Variants in OR7G3 observed in about 807,000 individuals in gnomAD.
OR7G3 encodes olfactory receptor 7G3.
For synonymous variants in OR7G3, 143 were observed against 157.6 expected (o/e 0.91, Z 0.69); for missense variants, 352 against 372.1 (o/e 0.95, Z 0.44).
rs768259399 is a variant in OR7G3 at position 9,126,907 on chromosome 19, A to G, written c.44T>C (p.Leu15Ser). Residue 15 changes from leucine to serine, a missense_variant, in exon 1 of 1, where the codon TTG becomes TCG. Physicochemically the swap from Leu to Ser is moderately radical, Grantham distance 145. Transcript: ENST00000305444. ...CAGCTCCGGATCCCCTGACAATCCC[A>G]AGAGAAAGAATTCTGGAGTGTCTGA... is the stretch of plus-strand genomic sequence containing the variant. Reference protein sequence around the residue: ...NFSDTPEFFLLGLSGDPELQP... With the variant: ...NFSDTPEFFLSGLSGDPELQP... The G allele has an allele frequency of 4.4e-6, 7 of 1,606,020 alleles. No homozygotes were observed. The highest frequency in any genetic ancestry group is 6.0e-6 in the Non-Finnish European group (7 of 1,175,878).
At position 9,126,947 on chromosome 19, in the gene OR7G3, T is replaced by C. The variant is rs1276399614; in HGVS notation, c.4A>G (p.Lys2Glu). Residue 2 changes from lysine (K) to glutamate (E), a missense_variant, in exon 1 of 1, where the codon AAA becomes GAA. Lys to Glu is a moderately conservative substitution (Grantham distance 56). Coordinates refer to ENST00000305444, the MANE Select transcript of OR7G3 (RefSeq NM_001001958.1). ...GGAGTGTCTGAGAAGTTTCCTGCTT[T>C]CATGTTGTTGATGAGTCTTGATCTT... M[K>E]AGNFSDTPEF... 3 of 1,569,826 alleles carry C rather than the reference T, an allele frequency of 1.9e-6. No individual in the cohort carries two copies. Among genetic ancestry groups the C allele is most frequent in the South Asian group, 2.4e-5 (2 of 83,986 alleles).
chr19:9,126,349 A>C lies in OR7G3; in HGVS notation c.602T>G (p.Leu201Trp). Residue 201 changes from leucine to tryptophan, a missense_variant, in exon 1 of 1, where the codon TTG (leucine) becomes TGG (tryptophan). Physicochemically the swap from Leu to Trp is moderately conservative, Grantham distance 61. Coordinates refer to ENST00000305444, the MANE Select transcript of OR7G3 (RefSeq NM_001001958.1). ...AACAACACCTAACAGGCTGGTCACCAAATACACCAGGATGTTATTGATGAG... is the reference window on the plus strand; with the variant it reads ...AACAACACCTAACAGGCTGGTCACCCAATACACCAGGATGTTATTGATGAG... ...DVLINNILVY[L>W]VTSLLGVVPL... is the part of the protein sequence containing the mutation. 6.2e-7 allele frequency: 1 copy of C among 1,614,198 alleles called. No individual in the cohort carries two copies. Among genetic ancestry groups the C allele is most frequent in the Non-Finnish European group, 8.5e-7 (1 of 1,180,008 alleles).
rs751858999 is a variant in OR7G3 at position 9,126,664 on chromosome 19, C to A, written c.287G>T (p.Gly96Val). ...QAQAQSINYTGCLTQICFVLV... is the reference protein window; with the variant it reads ...QAQAQSINYTVCLTQICFVLV... Reference sequence around the variant, plus strand: ...GACAAAGCAGATTTGGGTGAGGCAGCCTGTGTAATTGATGGATTGAGCCTG... The same window carrying A: ...GACAAAGCAGATTTGGGTGAGGCAGACTGTGTAATTGATGGATTGAGCCTG... Residue 96 changes from glycine to valine, a missense_variant, in exon 1 of 1, where the codon GGC becomes GTC. By Grantham distance (109) the Gly-to-Val change is moderately radical. Coordinates refer to ENST00000305444, the MANE Select transcript of OR7G3 (RefSeq NM_001001958.1). 16 of 1,614,084 alleles carry A rather than the reference C, an allele frequency of 9.9e-6. No individual in the cohort carries two copies. The East Asian group carries it at 3.3e-4, about 34-fold the overall frequency.
Position 9,126,212 on chromosome 19 carries a change from C to T in OR7G3, c.739G>A (p.Val247Ile), listed in dbSNP as rs61730396. ...AFSICGSHLI[V>I]VSLFYGTGFG... ...CCTGTTCCATAAAACAAGGAAACAA[C>T]GATTAAATGTGACCCGCAGATGGAA... Residue 247 changes from valine (V) to isoleucine (I), a missense_variant, in exon 1 of 1, where the codon GTT becomes ATT. Physicochemically the swap from Val to Ile is conservative, Grantham distance 29. Transcript: ENST00000305444. 11,406 of 1,613,904 alleles carry T rather than the reference C, an allele frequency of 7.1e-3. 418 individuals are homozygous for T. The African/African-American group carries it at 0.093, about 13-fold the overall frequency.
In OR7G3 at chr19:9,126,686, C is replaced by G. The variant is rs368410401; in HGVS notation, c.265G>C (p.Ala89Pro). Residue 89 changes from alanine to proline, a missense_variant, in exon 1 of 1, where the codon GCT becomes CCT. Transcript: ENST00000305444. ...PKMLVNIQAQ[A>P]QSINYTGCLT... ...CAGCCTGTGTAATTGATGGATTGAG[C>G]CTGTGCCTGGATGTTCACCAGCATC... 3 of 1,613,966 alleles carry G rather than the reference C, an allele frequency of 1.9e-6. No homozygotes were observed. Among genetic ancestry groups the G allele is most frequent in the African/African-American group, 2.7e-5 (2 of 74,878 alleles).
chr19:9,126,799 G>A lies in OR7G3; in HGVS notation c.152C>T (p.Ser51Phe), dbSNP rs1355036281. 1.2e-6 allele frequency: 2 copies of A among 1,614,100 alleles called. No homozygotes were observed. The highest frequency in any genetic ancestry group is 1.7e-6 in the Non-Finnish European group (2 of 1,180,014). ...GNLLIILAVN[S>F]DSHLHTPMYF... ...CATGGGGGTGTGGAGGTGGGAGTCA[G>A]AGTTGACGGCCAGGATGATGAGCAG... is the stretch of plus-strand genomic sequence containing the variant. Residue 51 changes from serine to phenylalanine, a missense_variant, in exon 1 of 1, where the codon TCT (serine) becomes TTT (phenylalanine). Ser to Phe is a radical substitution (Grantham distance 155). Transcript: ENST00000305444.
Position 9,126,309 on chromosome 19 carries a change from G to T in OR7G3, c.642C>A (p.Ile214=), listed in dbSNP as rs375002810. Residue 214 remains isoleucine, a synonymous_variant, in exon 1 of 1, where the codon ATC becomes ATA. Coordinates refer to ENST00000305444, the MANE Select transcript of OR7G3 (RefSeq NM_001001958.1). ...AGACAATTCGTGTGTAAGAGAAAAT[G>T]ATCCCAGAGAGAGGAACAACACCTA... The part of the protein sequence containing the change: ...SLLGVVPLSG[I]IFSYTRIVSS... The T allele has an allele frequency of 1.1e-5, 17 of 1,614,046 alleles. No homozygotes were observed. The highest frequency in any genetic ancestry group is 1.4e-5 in the Non-Finnish European group (17 of 1,180,026).
rs770354578 is a variant in OR7G3, at chr19:9,126,569, G to A, written c.382C>T (p.His128Tyr). The change falls in exon 1 of 1, where the codon CAC becomes TAC. Residue 128 changes from histidine (H) to tyrosine (Y), a missense_variant. His to Tyr is a moderately conservative substitution (Grantham distance 83). Transcript: ENST00000305444. ...MAYDRFVAIC[H>Y]PLRYNVIMNP... ...ATGATGACATTGTACCTCAGTGGGT[G>A]ACAGATGGCCACAAATCGATCATAG... The A allele has an allele frequency of 2.8e-5, 45 of 1,613,998 alleles. No homozygotes were observed. Among genetic ancestry groups the A allele is most frequent in the Non-Finnish European group, 3.6e-5 (43 of 1,180,010 alleles).
rs1401406113 is a variant in OR7G3, at chr19:9,126,219, A to T, written c.732T>A (p.His244Gln). The stretch of plus-strand genomic sequence containing the variant: ...CATAAAACAAGGAAACAACGATTAA[A>T]TGTGACCCGCAGATGGAAAAAGCTT... ...KYKAFSICGS[H>Q]LIVVSLFYGT... is the part of the protein sequence containing the mutation. Residue 244 changes from histidine to glutamine, a missense_variant, in exon 1 of 1, where the codon CAT becomes CAA. Physicochemically the swap from His to Gln is conservative, Grantham distance 24. Coordinates refer to ENST00000305444, the MANE Select transcript of OR7G3 (RefSeq NM_001001958.1). 1.2e-6 allele frequency: 2 copies of T among 1,613,842 alleles called. No individual in the cohort carries two copies. Among genetic ancestry groups the T allele is most frequent in the Non-Finnish European group, 1.7e-6 (2 of 1,179,968 alleles).
At position 9,126,519 on chromosome 19, in the gene OR7G3, C is replaced by T; in HGVS notation, c.432G>A (p.Leu144=). 3 of 1,614,206 alleles carry T rather than the reference C, an allele frequency of 1.9e-6. 1 individual carries two copies. In the South Asian group the frequency reaches 3.3e-5, roughly 18 times the overall value. Residue 144 remains leucine (L), a synonymous_variant, in exon 1 of 1, where the codon CTG becomes CTA. Transcript: ENST00000305444. ...CACTAACGATGAAGGACAGCAGAAG[C>T]AGCAGCCCACAGAGTTTGGGGTTCA... The part of the protein sequence containing the change: ...VIMNPKLCGL[L]LLLSFIVSVL...
rs1392435128 is a variant in OR7G3 at position 9,126,615 on chromosome 19, A to G, written c.336T>C (p.Asn112=). 6.2e-7 allele frequency: 1 copy of G among 1,614,090 alleles called. No homozygotes were observed. The highest frequency in any genetic ancestry group is 1.1e-5 in the South Asian group (1 of 91,074). ...CATAGGCCATCATGACCAGAATTCC[A>G]TTTTCCAATCCAACAAAAACCAGGA... ...CFVLVFVGLE[N]GILVMMAYDR... Residue 112 remains asparagine (N), a synonymous_variant, in exon 1 of 1, where the codon AAT becomes AAC. Transcript: ENST00000305444.
rs1388349758 is a variant in OR7G3, at chr19:9,126,257, C to A, written c.694G>T (p.Gly232Cys). ...VSSVMKIPSA[G>C]GKYKAFSICG... ...ATGGAAAAAGCTTTATACTTTCCACCAGCTGATGGAATTTTCATGACAGAG... is the reference window on the plus strand; with the variant it reads ...ATGGAAAAAGCTTTATACTTTCCACAAGCTGATGGAATTTTCATGACAGAG... Residue 232 changes from glycine to cysteine, a missense_variant, in exon 1 of 1, where the codon GGT (glycine) becomes TGT (cysteine). Gly to Cys is a radical substitution (Grantham distance 159, BLOSUM62 -3). Transcript: ENST00000305444. The A allele has an allele frequency of 1.2e-6, 2 of 1,613,992 alleles. No individual in the cohort carries two copies. Among genetic ancestry groups the A allele is most frequent in the Non-Finnish European group, 8.5e-7 (1 of 1,180,024 alleles).
Position 9,126,512 on chromosome 19 carries a change from G to A in OR7G3, c.439C>T (p.Leu147=). The change falls in exon 1 of 1, where the codon CTG becomes TTG. Residue 147 remains leucine (L), a synonymous_variant. Coordinates refer to ENST00000305444, the MANE Select transcript of OR7G3 (RefSeq NM_001001958.1). The part of the protein sequence containing the change: ...NPKLCGLLLL[L]SFIVSVLDAL... The stretch of plus-strand genomic sequence containing the variant: ...TCCAGGACACTAACGATGAAGGACA[G>A]CAGAAGCAGCAGCCCACAGAGTTTG... 1.2e-6 allele frequency: 2 copies of A among 1,614,162 alleles called. No individual in the cohort carries two copies. The highest frequency in any genetic ancestry group is 2.2e-5 in the South Asian group (2 of 91,078).
In OR7G3 at chr19:9,126,296, T is replaced by A. The variant is rs1197516793; in HGVS notation, c.655A>T (p.Thr219Ser). Residue 219 changes from threonine (T) to serine (S), a missense_variant, in exon 1 of 1, where the codon ACA (threonine) becomes TCA (serine). Physicochemically the swap from Thr to Ser is moderately conservative, Grantham distance 58. Transcript: ENST00000305444. Reference protein sequence around the residue: ...VPLSGIIFSYTRIVSSVMKIP... With the variant: ...VPLSGIIFSYSRIVSSVMKIP... ...TTCATGACAGAGGAGACAATTCGTG[T>A]GTAAGAGAAAATGATCCCAGAGAGA... 2 of 1,613,998 alleles carry A rather than the reference T, an allele frequency of 1.2e-6. No homozygotes were observed. The highest frequency in any genetic ancestry group is 2.7e-5 in the African/African-American group (2 of 74,906).
In OR7G3 at chr19:9,126,386, A is replaced by G. The variant is rs1366161358; in HGVS notation, c.565T>C (p.Cys189Arg). 1.2e-6 allele frequency: 2 copies of G among 1,614,098 alleles called. No homozygotes were observed. The highest frequency in any genetic ancestry group is 1.7e-6 in the Non-Finnish European group (2 of 1,180,026). Residue 189 changes from cysteine to arginine, a missense_variant, in exon 1 of 1, where the codon TGT becomes CGT. Transcript: ENST00000305444. ...CELAHILKLA[C>R]SDVLINNILV... ...ATGTTATTGATGAGGACATCAGAAC[A>G]GGCGAGCTTGAGAATATGAGCTAGT...
chr19:9,126,685 G>A lies in OR7G3; in HGVS notation c.266C>T (p.Ala89Val), dbSNP rs2050512290. The A allele has an allele frequency of 1.9e-6, 3 of 1,614,172 alleles. No homozygotes were observed. The highest frequency in any genetic ancestry group is 2.5e-6 in the Non-Finnish European group (3 of 1,180,028). ...GCAGCCTGTGTAATTGATGGATTGA[G>A]CCTGTGCCTGGATGTTCACCAGCAT... ...PKMLVNIQAQ[A>V]QSINYTGCLT... The change falls in exon 1 of 1, where the codon GCT (alanine) becomes GTT (valine). Residue 89 changes from alanine to valine, a missense_variant. By Grantham distance (64) the Ala-to-Val change is moderately conservative. Transcript: ENST00000305444.
Position 9,126,118 on chromosome 19 carries a change from T to C in OR7G3, c.833A>G (p.Tyr278Cys). Reference protein sequence around the residue: ...SRKGAIASVMYTVVTPMLNPL... With the variant: ...SRKGAIASVMCTVVTPMLNPL... ...GTTCAGCATGGGGGTGACCACGGTA[T>C]ACATCACTGATGCTATTGCACCCTT... Residue 278 changes from tyrosine to cysteine, a missense_variant, in exon 1 of 1, where the codon TAT becomes TGT. Transcript: ENST00000305444. The C allele has an allele frequency of 6.2e-7, 1 of 1,614,148 alleles. No homozygotes were observed. Among genetic ancestry groups the C allele is most frequent in the Non-Finnish European group, 8.5e-7 (1 of 1,180,010 alleles).
Position 9,126,549 on chromosome 19 carries a change from G to A in OR7G3, c.402C>T (p.Val134=), listed in dbSNP as rs147678864. The A allele has an allele frequency of 6.2e-7, 1 of 1,614,156 alleles. No individual in the cohort carries two copies. The highest frequency in any genetic ancestry group is 8.5e-7 in the Non-Finnish European group (1 of 1,180,018). The change falls in exon 1 of 1, where the codon GTC becomes GTT. Residue 134 remains valine, a synonymous_variant. Transcript: ENST00000305444. ...VAICHPLRYN[V]IMNPKLCGLL... is the part of the protein sequence containing the mutation. Reference sequence around the variant, plus strand: ...GCCCACAGAGTTTGGGGTTCATGATGACATTGTACCTCAGTGGGTGACAGA... The same window carrying A: ...GCCCACAGAGTTTGGGGTTCATGATAACATTGTACCTCAGTGGGTGACAGA...
rs1248639607 is a variant in OR7G3 at position 9,126,653 on chromosome 19, G to T, written c.298C>A (p.Gln100Lys). 1.2e-6 allele frequency: 2 copies of T among 1,614,022 alleles called. No individual in the cohort carries two copies. Among genetic ancestry groups the T allele is most frequent in the Non-Finnish European group, 1.7e-6 (2 of 1,180,032 alleles). Residue 100 changes from glutamine to lysine, a missense_variant, in exon 1 of 1, where the codon CAA becomes AAA. By Grantham distance (53) the Gln-to-Lys change is moderately conservative. Transcript: ENST00000305444. ...QSINYTGCLTQICFVLVFVGL... is the reference protein window; with the variant it reads ...QSINYTGCLTKICFVLVFVGL... ...ACAAAAACCAGGACAAAGCAGATTTGGGTGAGGCAGCCTGTGTAATTGATG... is the reference window on the plus strand; with the variant it reads ...ACAAAAACCAGGACAAAGCAGATTTTGGTGAGGCAGCCTGTGTAATTGATG...
Sources: gnomAD v4.1 joint callset for allele counts on GRCh38, gnomAD v4.1.1 for gene constraint, MANE v1.5 for transcripts, NCBI Gene and HGNC (gene_info 2026-07-23, HGNC 2026-07-21) for gene names.